Variants in NFATC3 observed in about 807,000 individuals in gnomAD.
NFATC3 encodes nuclear factor of activated T-cells, cytoplasmic 3.
NFATC3 carries 46 observed loss-of-function variants against 98.6 expected under a neutral mutation model. The observed-to-expected ratio is 0.47, with a 90% CI of 0.37 to 0.60. The LOEUF is 0.60. NFATC3 is among the 20% of genes least tolerant of loss of function. The pLI is 0.00. For synonymous variants in NFATC3, 512 were observed against 472.2 expected (o/e 1.08, Z -1.09); for missense variants, 1,256 against 1,295.5 (o/e 0.97, Z 0.47).
intron 3 of NFATC3, among the ~76,000 whole-genome samples, chr16:68,146,681 A>G (rs1460092878): frequency 6.6e-6 from 1 of 152,236 alleles, no homozygotes; most frequent in Non-Finnish European, 1.5e-5. Flanking sequence ...CTGATAATGG[A>G]ACTGCTCTTA....
chr16:68,085,816 G>A (rs1025877028), intron 1 of NFATC3, 32 bp downstream of exon 1: 87 of 1,386,286 alleles, frequency 6.3e-5, no homozygotes, highest in Admixed American at 7.2e-5. Flanking sequence ...ACCGTGGAGC[G>A]ACCCCGCTTC....
intron 3 of NFATC3, among the ~76,000 whole-genome samples, chr16:68,149,433 TTAATCC>T (rs2038203428): frequency 6.6e-6 from 1 of 152,208 alleles, no homozygotes; most frequent in African/African-American, 2.4e-5. Context: ...GCAGCCAAAC[TTAATCC>T]TAATATAAAA....
At chr16:68,188,709 A>G (rs1010213996) in intron 8 of NFATC3, among the ~76,000 whole-genome samples, 1 of 152,094 alleles carries the variant, frequency 6.6e-6, no homozygotes, top group Non-Finnish European at 1.5e-5. Context: ...TAGGGTTTTT[A>G]AATTTTATTT....
In NFATC3 at chr16:68,190,897, G is replaced by A. The variant is rs2040402823; in HGVS notation, c.2228G>A (p.Gly743Glu). ...TGTTCACATGACAGTGTACTGTCAG[G>A]ACAGAGAAGTTTGATTTGCTCCATC... ...SGCSHDSVLS[G>E]QRSLICSIPQ... Residue 743 changes from glycine to glutamate, a missense_variant, in exon 9 of 10, where the codon GGA becomes GAA. Transcript: ENST00000346183. 4 of 1,614,082 alleles carry A rather than the reference G, an allele frequency of 2.5e-6. No individual in the cohort carries two copies. Among genetic ancestry groups the A allele is most frequent in the Non-Finnish European group, 3.4e-6 (4 of 1,180,050 alleles).
intron 1 of NFATC3, chr16:68,089,603 A>G (rs1485573708): frequency 6.6e-6 from 1 of 151,902 alleles, no homozygotes; most frequent in African/African-American, 2.4e-5. Flanking sequence ...AAAATGAACT[A>G]AACTTTTTTT....
chr16:68,181,569 CA>C, intron 7 of NFATC3, 39 bp downstream of exon 7: 2 of 1,377,338 alleles, frequency 1.5e-6, no homozygotes, highest in Non-Finnish European at 2.1e-6. Flanking sequence ...ATATTTAAGA[CA>C]CTGAATAGAA....
Position 68,106,536 on chromosome 16 carries a change from C to T in NFATC3, c.104-15451C>T, listed in dbSNP as rs564659606. ...CAAACTCCTGACCTTGTGATCTGCC[C>T]GCCTCGGCCTCCCAAAGTGCAGGGA... On this transcript the variant is annotated intron_variant, in intron 1 of 9. Coordinates refer to ENST00000346183, the MANE Select transcript of NFATC3 (RefSeq NM_173165.3). 2.2e-4 allele frequency among the ~76,000 whole-genome samples: 34 copies of T among 151,756 alleles called. 1 individual carries two copies. The South Asian group carries it at 4.2e-3, about 19-fold the overall frequency.
Position 68,226,693 on chromosome 16 carries a change from T to C in NFATC3, c.*222T>C, listed in dbSNP as rs941077041. On this transcript the variant is annotated 3_prime_UTR_variant, in exon 10 of 10. Coordinates refer to ENST00000346183, the MANE Select transcript of NFATC3 (RefSeq NM_173165.3). ...CTTTGGGGAAATGAACTTTGCTTTTTATATTTAACTAGGATACTTTTATAT... is the reference window on the plus strand; with the variant it reads ...CTTTGGGGAAATGAACTTTGCTTTTCATATTTAACTAGGATACTTTTATAT... The C allele has an allele frequency of 1.8e-5, 7 of 388,880 alleles. No homozygotes were observed. The highest frequency in any genetic ancestry group is 3.1e-5 in the Non-Finnish European group (7 of 222,478). The allele number at this position is 388,880 out of a possible 1,614,324, so 24.1% of individuals were successfully genotyped here. A position where few individuals can be genotyped will look rare whatever the true frequency, so the allele number is the denominator to read the frequency against.
At chr16:68,114,812 A>T (rs1373293525) in intron 1 of NFATC3, among the ~76,000 whole-genome samples, 1 of 152,152 alleles carries the variant, frequency 6.6e-6, no homozygotes, top group Non-Finnish European at 1.5e-5. Context: ...TGATCTCGTG[A>T]TCCGCCTGCC....
chr16:68,221,319 G>C, intron 9 of NFATC3: 1 of 1,610,650 alleles, frequency 6.2e-7, no homozygotes, highest in Non-Finnish European at 8.5e-7. Context: ...CAGCCCGAGG[G>C]AGAAGTGAGG....
chr16:68,168,374 G>A (rs968763105), intron 5 of NFATC3, among the ~76,000 whole-genome samples: 3 of 151,852 alleles, frequency 2.0e-5, no homozygotes, highest in Non-Finnish European at 4.4e-5. Flanking sequence ...TGTTGGCCAT[G>A]CTGGTCTCGA....
chr16:68,186,676 C>G (rs2151104280), intron 8 of NFATC3, among the ~76,000 whole-genome samples: 1 of 152,250 alleles, frequency 6.6e-6, no homozygotes, highest in South Asian at 2.1e-4. Context: ...TGGGACTAGC[C>G]CATATATAGT....
At chr16:68,184,987 AT>A (rs541655102) in intron 8 of NFATC3, among the ~76,000 whole-genome samples, 160 of 146,554 alleles carry the variant, frequency 1.1e-3, no homozygotes, top group East Asian at 2.6e-3. Flanking sequence ...TTATTTATTT[AT>A]TTTTTTTTTT....
chr16:68,220,018 G>A (rs887029231), intron 9 of NFATC3, among the ~76,000 whole-genome samples: 2 of 152,114 alleles, frequency 1.3e-5, no homozygotes, highest in Non-Finnish European at 2.9e-5. Flanking sequence ...TCTTGAATAC[G>A]AACTTTTTCT....
intron 4 of NFATC3, among the ~76,000 whole-genome samples, chr16:68,166,491 A>G (rs2039201463): frequency 6.6e-6 from 1 of 152,130 alleles, no homozygotes; most frequent in African/African-American, 2.4e-5. Flanking sequence ...TAACTTGCAT[A>G]TTGTCACTTG....
intron 3 of NFATC3, among the ~76,000 whole-genome samples, chr16:68,157,246 TTC>T (rs2038668786): frequency 6.6e-6 from 1 of 152,140 alleles, no homozygotes; most frequent in Non-Finnish European, 1.5e-5. Flanking sequence ...CTCTCCCTCT[TTC>T]TCTTTCCCGA....
At chr16:68,217,796 A>T (rs1247030504) in intron 9 of NFATC3, 8 of 1,231,520 alleles carry the variant, frequency 6.5e-6, no homozygotes, top group Non-Finnish European at 7.1e-6. Context: ...GAAGGAGGCC[A>T]AGCAAGTGAT....
rs145982403 is a variant in NFATC3, at chr16:68,193,773, C to CA, written c.3106+1999dup. 6.3e-3 allele frequency among the ~76,000 whole-genome samples: 961 copies of CA among 152,206 alleles called. 11 individuals are homozygous for CA. Among genetic ancestry groups the CA allele is most frequent in the African/African-American group, 0.022 (917 of 41,524 alleles). ...GAAAAAAGCTGTGTATAAGTGGACC[C>CA]AGACAGCTCAAAGCTGTGTTGTTCA... On this transcript the variant is annotated intron_variant, in intron 9 of 9. Transcript: ENST00000346183.
chr16:68,194,142 A>G (rs945416742), intron 9 of NFATC3, among the ~76,000 whole-genome samples: 1 of 152,184 alleles, frequency 6.6e-6, no homozygotes. Flanking sequence ...CTTTTGAAAA[A>G]TCACACAACT....
Sources: allele counts gnomAD v4.1 joint callset (sites outside exome capture counted in the v4.1 genomes callset), GRCh38; gene constraint gnomAD v4.1.1; transcripts MANE v1.5; gene names NCBI Gene and HGNC (gene_info 2026-07-23, HGNC 2026-07-21).